Variants in ARRDC4 observed in about 807,000 individuals in gnomAD.
ARRDC4 encodes arrestin domain-containing protein 4.
In ARRDC4, 40 loss-of-function variants were observed where a neutral mutation model predicts 44.6. That is an observed-to-expected ratio of 0.90 (90% CI 0.70 to 1.17). The LOEUF (loss-of-function observed/expected upper bound fraction) is 1.17. ARRDC4 is among the 50% of genes most tolerant of loss of function. ARRDC4 has a pLI of 0.00. For synonymous variants in ARRDC4, 211 were observed against 221.2 expected, an observed-to-expected ratio of 0.95 and a Z score of 0.41; for missense variants, 550 against 559.1, an observed-to-expected ratio of 0.98 and a Z score of 0.16.
chr15:97,961,218 G>T, intron 1 of ARRDC4, 50 bp downstream of exon 1: 1 of 1,342,628 alleles, frequency 7.4e-7, no homozygotes, highest in African/African-American at 1.5e-5. Context: ...GCGGGGCCGG[G>T]GAGGGGCTGG....
intron 1 of ARRDC4, among the ~76,000 whole-genome samples, chr15:97,963,417 G>C (rs145762748): frequency 6.4e-4 from 97 of 152,238 alleles, no homozygotes; most frequent in African/African-American, 2.3e-3. Context: ...TTTATGTTTT[G>C]AGATAGTTGA....
Position 97,966,019 on chromosome 15 carries a change from G to C in ARRDC4, c.499G>C (p.Asp167His), listed in dbSNP as rs765693177. The change falls in exon 3 of 8, where the codon GAT (aspartate) becomes CAT (histidine). Residue 167 changes from aspartate to histidine, a missense_variant. Transcript: ENST00000268042. The surrounding 1 kb of genome is among the most constrained non-coding windows in gnomAD (Gnocchi z 4.7). ...KRELQVVSHV[D>H]VNTPALLTPV... ...GGAACTCCAGGTTGTTAGTCATGTC[G>C]ATGTCAACACACCAGCATTATTAGT... The C allele has an allele frequency of 6.2e-7, 1 of 1,614,060 alleles. No individual in the cohort carries two copies. The highest frequency in any genetic ancestry group is 8.5e-7 in the Non-Finnish European group (1 of 1,180,004).
chr15:97,961,135 A>C lies in ARRDC4; in HGVS notation c.274A>C (p.Asn92His), dbSNP rs1899308753. Residue 92 changes from asparagine to histidine, a missense_variant, in exon 1 of 8, where the codon AAC (asparagine) becomes CAC (histidine). Asn to His is a moderately conservative substitution (Grantham distance 68). Coordinates refer to ENST00000268042, the MANE Select transcript of ARRDC4 (RefSeq NM_183376.3). ...TGTCTTCTCGGAGGTGGAGTACCTG[A>C]ACGTGCGCCTCAGCCTGCGGGAGCC... ...LAVFSEVEYL[N>H]VRLSLREPPA... The C allele has an allele frequency of 1.4e-6, 2 of 1,455,152 alleles. No individual in the cohort carries two copies. Among genetic ancestry groups the C allele is most frequent in the Non-Finnish European group, 1.8e-6 (2 of 1,112,820 alleles). The allele number at this position is 1,455,152 out of a possible 1,614,324, so 90.1% of individuals were successfully genotyped here.
Position 97,965,701 on chromosome 15 carries a change from C to A in ARRDC4, c.374+35C>A. The A allele has an allele frequency of 6.3e-7, 1 of 1,582,092 alleles. No homozygotes were observed. Among genetic ancestry groups the A allele is most frequent in the Non-Finnish European group, 8.7e-7 (1 of 1,150,948 alleles). ...ACACTACAATTTTGTGGTTATCCTT[C>A]TCTGCAGTATGTCCATTCAAGTTTA... On this transcript the variant is annotated intron_variant, in intron 2 of 7. Coordinates refer to ENST00000268042, the MANE Select transcript of ARRDC4 (RefSeq NM_183376.3). This position sits in a 1 kb window ranked among gnomAD's most constrained non-coding sequence, Gnocchi z 5.1.
Position 97,961,054 on chromosome 15 carries a change from G to T in ARRDC4, c.193G>T (p.Ala65Ser). 7.0e-7 allele frequency: 1 copy of T among 1,423,768 alleles called. No individual in the cohort carries two copies. The highest frequency in any genetic ancestry group is 9.1e-7 in the Non-Finnish European group (1 of 1,094,188). 88.2% of individuals were successfully genotyped at this position (1,423,768 alleles called of 1,614,324 possible). ...CCTGGAGGCCCAGGGGCGCGCCACC[G>T]CCGCCTGGGGCCCGAGCACCTGCCC... ...LRLEAQGRAT[A>S]AWGPSTCPRA... The change falls in exon 1 of 8, where the codon GCC (alanine) becomes TCC (serine). Residue 65 changes from alanine (A) to serine (S), a missense_variant. Physicochemically the swap from Ala to Ser is moderately conservative, Grantham distance 99. Coordinates refer to ENST00000268042, the MANE Select transcript of ARRDC4 (RefSeq NM_183376.3).
chr15:97,970,642 C>T lies in ARRDC4; in HGVS notation c.1099C>T (p.Pro367Ser). 6.2e-7 allele frequency: 1 copy of T among 1,613,302 alleles called. No individual in the cohort carries two copies. The highest frequency in any genetic ancestry group is 1.3e-5 in the African/African-American group (1 of 74,994). The part of the protein sequence containing the change: ...VSEEEFSRHI[P>S]PYPQPPNCEG... ...AGAGGAAGAATTCTCTAGACACATTCCTCCTTACCCTCAACCCCCTAACTG... is the reference window on the plus strand; with the variant it reads ...AGAGGAAGAATTCTCTAGACACATTTCTCCTTACCCTCAACCCCCTAACTG... Residue 367 changes from proline (P) to serine (S), a missense_variant, in exon 7 of 8, where the codon CCT (proline) becomes TCT (serine). Coordinates refer to ENST00000268042, the MANE Select transcript of ARRDC4 (RefSeq NM_183376.3). This position sits in a 1 kb window ranked among gnomAD's most constrained non-coding sequence, Gnocchi z 4.2.
chr15:97,963,217 G>A (rs1458604172), intron 1 of ARRDC4, among the ~76,000 whole-genome samples: 1 of 152,200 alleles, frequency 6.6e-6, no homozygotes, highest in Admixed American at 6.5e-5. Flanking sequence ...ACATCTTCCT[G>A]TGACTTTGTA....
At chr15:97,969,450 T>C in intron 5 of ARRDC4, 71 bp downstream of exon 5, 1 of 1,530,532 alleles carries the variant, frequency 6.5e-7, no homozygotes, top group Non-Finnish European at 8.9e-7. Flanking sequence ...ACTGTGGGTA[T>C]GTAGAGTTGC....
Position 97,968,886 on chromosome 15 carries a change from G to A in ARRDC4, c.626-237G>A, listed in dbSNP as rs559937602. Among the ~76,000 whole-genome samples, 3 of 152,244 alleles carry A rather than the reference G, an allele frequency of 2.0e-5. No individual in the cohort carries two copies. In the South Asian group the frequency reaches 6.2e-4, roughly 32 times the overall value. On this transcript the variant is annotated intron_variant, in intron 4 of 7. Transcript: ENST00000268042. This position sits in a 1 kb window ranked among gnomAD's most constrained non-coding sequence, Gnocchi z 5.4. The stretch of plus-strand genomic sequence containing the variant: ...TGGTCATTTACATATCTTTAGAATT[G>A]CTAATGCAATATTGCTACTTTAGAA...
At position 97,970,453 on chromosome 15, in the gene ARRDC4, A is replaced by G; in HGVS notation, c.1046-136A>G. 1 of 881,336 alleles carries G rather than the reference A, an allele frequency of 1.1e-6. No individual in the cohort carries two copies. 54.6% of individuals were successfully genotyped at this position (881,336 alleles called of 1,614,324 possible). A position where few individuals can be genotyped will look rare whatever the true frequency, so the allele number is the denominator to read the frequency against. On this transcript the variant is annotated intron_variant, in intron 6 of 7. Coordinates refer to ENST00000268042, the MANE Select transcript of ARRDC4 (RefSeq NM_183376.3). The surrounding 1 kb of genome is among the most constrained non-coding windows in gnomAD (Gnocchi z 4.2). ...ATCTATTTTTTATTGTAATATGCAT[A>G]AAACCTTGCTGATTAGAGGGAAAGA...
Position 97,970,439 on chromosome 15 carries a change from A to C in ARRDC4, c.1046-150A>C. ...TTAATAAAAGGAGAATCTATTTTTT[A>C]TTGTAATATGCATAAAACCTTGCTG... is the stretch of plus-strand genomic sequence containing the variant. On this transcript the variant is annotated intron_variant, in intron 6 of 7. Transcript: ENST00000268042. This position sits in a 1 kb window ranked among gnomAD's most constrained non-coding sequence, Gnocchi z 4.2. 1.4e-6 allele frequency: 1 copy of C among 728,344 alleles called. No individual in the cohort carries two copies. Among genetic ancestry groups the C allele is most frequent in the Non-Finnish European group, 2.2e-6 (1 of 463,938 alleles). The allele number at this position is 728,344 out of a possible 1,614,324, so 45.1% of individuals were successfully genotyped here.
rs1899543730 is a variant in ARRDC4, at chr15:97,973,159, T to C, written c.*1972T>C. 1 of 152,320 alleles carries C rather than the reference T, an allele frequency of 6.6e-6. No homozygotes were observed. The highest frequency in any genetic ancestry group is 1.5e-5 in the Non-Finnish European group (1 of 68,032). 9.4% of individuals were successfully genotyped at this position (152,320 alleles called of 1,614,324 possible). A position where few individuals can be genotyped will look rare whatever the true frequency, so the allele number is the denominator to read the frequency against. On this transcript the variant is annotated 3_prime_UTR_variant, in exon 8 of 8. Transcript: ENST00000268042. Reference sequence around the variant, plus strand: ...ATATAGTTCATGCCCTGCCAAGGCATTGTTCGACTCCATGATACTAAAACA... The same window carrying C: ...ATATAGTTCATGCCCTGCCAAGGCACTGTTCGACTCCATGATACTAAAACA...
At chr15:97,961,380 G>C (rs1443176944) in intron 1 of ARRDC4, among the ~76,000 whole-genome samples, 1 of 152,216 alleles carries the variant, frequency 6.6e-6, no homozygotes, top group Non-Finnish European at 1.5e-5. Flanking sequence ...CGCCGGGCCT[G>C]ACCGGGACCA....
In ARRDC4 at chr15:97,965,971, G is replaced by C. The variant is rs544451290; in HGVS notation, c.451G>C (p.Val151Leu). ...CVRAVLERPK[V>L]PDQSVKRELQ... Reference sequence around the variant, plus strand: ...GCGGGCAGTGTTGGAACGACCCAAGGTACCTGATCAGAGTGTAAAGCGGGA... The same window carrying C: ...GCGGGCAGTGTTGGAACGACCCAAGCTACCTGATCAGAGTGTAAAGCGGGA... Residue 151 changes from valine to leucine, a missense_variant, in exon 3 of 8, where the codon GTA becomes CTA. Val to Leu is a conservative substitution (Grantham distance 32, BLOSUM62 1). Transcript: ENST00000268042. The surrounding 1 kb of genome is among the most constrained non-coding windows in gnomAD (Gnocchi z 5.1). 1 of 1,614,146 alleles carries C rather than the reference G, an allele frequency of 6.2e-7. No homozygotes were observed. The highest frequency in any genetic ancestry group is 1.3e-5 in the African/African-American group (1 of 75,032).
rs905591828 is a variant in ARRDC4, at chr15:97,968,502, A to T, written c.625+386A>T. On this transcript the variant is annotated intron_variant, in intron 4 of 7. Coordinates refer to ENST00000268042, the MANE Select transcript of ARRDC4 (RefSeq NM_183376.3). This position sits in a 1 kb window ranked among gnomAD's most constrained non-coding sequence, Gnocchi z 5.4. Reference sequence around the variant, plus strand: ...ATGCTGGCTTGATATATGCAAATGCATGGGACTGGAATGTAGTGTATTAAC... The same window carrying T: ...ATGCTGGCTTGATATATGCAAATGCTTGGGACTGGAATGTAGTGTATTAAC... 2.0e-5 allele frequency among the ~76,000 whole-genome samples: 3 copies of T among 152,232 alleles called. No individual in the cohort carries two copies. The highest frequency in any genetic ancestry group is 4.4e-5 in the Non-Finnish European group (3 of 68,042).
chr15:97,961,122 G>A lies in ARRDC4; in HGVS notation c.261G>A (p.Glu87=). ...ASTAALAVFS[E]VEYLNVRLSL... ...CCGCGGCCCTGGCTGTCTTCTCGGA[G>A]GTGGAGTACCTGAACGTGCGCCTCA... Residue 87 remains glutamate (E), a synonymous_variant, in exon 1 of 8, where the codon GAG becomes GAA. Coordinates refer to ENST00000268042, the MANE Select transcript of ARRDC4 (RefSeq NM_183376.3). 2.1e-6 allele frequency: 3 copies of A among 1,460,030 alleles called. No homozygotes were observed. Among genetic ancestry groups the A allele is most frequent in the East Asian group, 3.0e-5 (1 of 33,070 alleles). The allele number at this position is 1,460,030 out of a possible 1,614,324, so 90.4% of individuals were successfully genotyped here.
rs1899291332 is a variant in ARRDC4 at position 97,960,740 on chromosome 15, C to A, written c.-122C>A. On this transcript the variant is annotated 5_prime_UTR_variant, in exon 1 of 8. Coordinates refer to ENST00000268042, the MANE Select transcript of ARRDC4 (RefSeq NM_183376.3). ...GGCGAGCCGGTGCCCCATCGGGTAC[C>A]GCACGGCTGCCGCGGCGGCCTTACC... The A allele has an allele frequency of 1.1e-6, 1 of 901,460 alleles. No individual in the cohort carries two copies. The allele number at this position is 901,460 out of a possible 1,614,324, so 55.8% of individuals were successfully genotyped here.
chr15:97,970,173 C>CT lies in ARRDC4; in HGVS notation c.1045+129dup. The CT allele has an allele frequency of 1.9e-6, 2 of 1,061,772 alleles. No homozygotes were observed. Among genetic ancestry groups the CT allele is most frequent in the South Asian group, 5.1e-5 (2 of 39,592 alleles). The allele number at this position is 1,061,772 out of a possible 1,614,324, so 65.8% of individuals were successfully genotyped here. A position where few individuals can be genotyped will look rare whatever the true frequency, so the allele number is the denominator to read the frequency against. On this transcript the variant is annotated intron_variant, in intron 6 of 7. Transcript: ENST00000268042. The surrounding 1 kb of genome is among the most constrained non-coding windows in gnomAD (Gnocchi z 4.2). Reference sequence around the variant, plus strand: ...ACTATAGGTATCTTTATTCCTACTACTAAAAAATCAGAAAGCATTAGTCCT... The same window carrying CT: ...ACTATAGGTATCTTTATTCCTACTACTTAAAAAATCAGAAAGCATTAGTCCT...
Position 97,969,867 on chromosome 15 carries a change from T to A in ARRDC4, c.883-16T>A. On this transcript the variant is annotated splice_polypyrimidine_tract_variant and intron_variant, in intron 5 of 7. Transcript: ENST00000268042. The stretch of plus-strand genomic sequence containing the variant: ...ATTTGTTCCTTTCTCTTTTTTTTTT[T>A]TTTTTGGCTTATTAGGTATACATTC... 6.6e-7 allele frequency: 1 copy of A among 1,526,546 alleles called. No homozygotes were observed. The allele number at this position is 1,526,546 out of a possible 1,614,324, so 94.6% of individuals were successfully genotyped here. A position where few individuals can be genotyped will look rare whatever the true frequency, so the allele number is the denominator to read the frequency against.
Sources: gnomAD v4.1 joint callset for allele counts (sites outside exome capture counted in the v4.1 genomes callset) on GRCh38, gnomAD v4.1.1 for gene constraint, Gnocchi (gnomAD v3.1) non-coding constraint, MANE v1.5 for transcripts, NCBI Gene and HGNC (gene_info 2026-07-23, HGNC 2026-07-21) for gene names.